TRIM44: variants seen among roughly 807,000 people sequenced by gnomAD.
The protein encoded by TRIM44 is tripartite motif containing 44.
TRIM44 carries 13 observed loss-of-function variants against 37.4 expected under a neutral mutation model. That is an observed-to-expected ratio of 0.35 (90% CI 0.23 to 0.55). The LOEUF (loss-of-function observed/expected upper bound fraction) is 0.55, where lower values mean the gene tolerates loss of function less well. Ranked by LOEUF, TRIM44 falls within the 20% of genes least tolerant of loss-of-function variation. The pLI is 0.89. For synonymous variants in TRIM44, 175 were observed against 157.2 expected, an observed-to-expected ratio of 1.11 and a Z score of -0.85; for missense variants, 426 against 437.2, an observed-to-expected ratio of 0.97 and a Z score of 0.23.
intron 4 of TRIM44, among the ~76,000 whole-genome samples, chr11:35,782,633 G>T (rs562952939): frequency 6.6e-6 from 1 of 152,078 alleles, no homozygotes; most frequent in Non-Finnish European, 1.5e-5. Flanking sequence ...TGAGGGAGGG[G>T]TCAGAAGAAG....
At position 35,814,179 on chromosome 11, in the gene TRIM44, C is replaced by G. The variant is rs528662922; in HGVS notation, c.*7794C>G. On this transcript the variant is annotated 3_prime_UTR_variant, in exon 5 of 5. Coordinates refer to ENST00000299413, the MANE Select transcript of TRIM44 (RefSeq NM_017583.6). ...GGACCTCAGCGCAAGTTGAGTGTTA[C>G]ACAATTTAACCTGTAATAACAGGTT... is the stretch of plus-strand genomic sequence containing the variant. 13 of 152,198 alleles carry G rather than the reference C, an allele frequency of 8.5e-5. No individual in the cohort carries two copies. The highest frequency in any genetic ancestry group is 2.9e-4 in the African/African-American group (12 of 41,454). 9.4% of individuals were successfully genotyped at this position (152,198 alleles called of 1,614,324 possible).
intron 4 of TRIM44, among the ~76,000 whole-genome samples, chr11:35,736,749 T>G (rs1280024424): frequency 6.6e-6 from 1 of 152,234 alleles, no homozygotes; most frequent in Non-Finnish European, 1.5e-5. Context: ...GGCATCTTGC[T>G]TTAAACCTAC....
rs532853748 is a variant in TRIM44, at chr11:35,742,149, C to G, written c.1007+6704C>G. Among the ~76,000 whole-genome samples, 20 of 151,740 alleles carry G rather than the reference C, an allele frequency of 1.3e-4. No individual in the cohort carries two copies. The South Asian group carries it at 3.1e-3, about 24-fold the overall frequency. On this transcript the variant is annotated intron_variant, in intron 4 of 4. Transcript: ENST00000299413. ...GTAGAGATGAAGTCTCACTTTGTTC[C>G]CCAAGCTGGTTTTGAACTACTGGGG...
chr11:35,694,457 A>G (rs1332985561), intron 2 of TRIM44, among the ~76,000 whole-genome samples: 1 of 152,070 alleles, frequency 6.6e-6, no homozygotes, highest in Non-Finnish European at 1.5e-5. Context: ...CTTTTACCTT[A>G]TAAAGTATAA....
intron 1 of TRIM44, among the ~76,000 whole-genome samples, chr11:35,682,383 TGGAATGTGG>T (rs1164457467): frequency 2.6e-5 from 4 of 152,090 alleles, no homozygotes; most frequent in African/African-American, 9.7e-5. Context: ...AGGAAGGGAC[TGGAATGTGG>T]GGAAAGTGGT....
intron 4 of TRIM44, among the ~76,000 whole-genome samples, chr11:35,757,758 C>G (rs1020789893): frequency 7.9e-5 from 12 of 152,018 alleles, no homozygotes; most frequent in African/African-American, 2.7e-4. Flanking sequence ...CGTTATGTAC[C>G]CAGTAGTCAT....
intron 2 of TRIM44, among the ~76,000 whole-genome samples, chr11:35,690,031 A>G (rs1851623108): frequency 1.3e-5 from 2 of 152,188 alleles, no homozygotes; most frequent in African/African-American, 2.4e-5. Context: ...TATTCTCAAA[A>G]AGAAGCATCT....
intron 2 of TRIM44, among the ~76,000 whole-genome samples, chr11:35,717,766 G>A (rs1852055926): frequency 6.6e-6 from 1 of 152,018 alleles, no homozygotes; most frequent in Admixed American, 6.6e-5. Context: ...GGCCCCAAAT[G>A]TCAGTCAGTC....
intron 2 of TRIM44, among the ~76,000 whole-genome samples, chr11:35,720,712 C>A (rs1056269458): frequency 6.6e-6 from 1 of 151,952 alleles, no homozygotes; most frequent in Non-Finnish European, 1.5e-5. Flanking sequence ...GAAGCTCCCC[C>A]CCACCCCATT....
chr11:35,670,345 G>A (rs2135483034), intron 1 of TRIM44, among the ~76,000 whole-genome samples: 1 of 152,276 alleles, frequency 6.6e-6, no homozygotes, highest in South Asian at 2.1e-4. Context: ...TTTTCCTCTT[G>A]ATGACTTCTG....
chr11:35,797,576 T>C (rs79491703), intron 4 of TRIM44, among the ~76,000 whole-genome samples: 1,629 of 152,228 alleles, frequency 0.011, 29 homozygotes, highest in African/African-American at 0.037. Flanking sequence ...TATCAACCCT[T>C]GATATGATGT....
chr11:35,745,241 G>A lies in TRIM44; in HGVS notation c.1007+9796G>A, dbSNP rs1051023069. Among the ~76,000 whole-genome samples the A allele has an allele frequency of 1.2e-4, 19 of 152,258 alleles. No homozygotes were observed. In the East Asian group the frequency reaches 1.7e-3, roughly 14 times the overall value. On this transcript the variant is annotated intron_variant, in intron 4 of 4. Coordinates refer to ENST00000299413, the MANE Select transcript of TRIM44 (RefSeq NM_017583.6). ...CTGTTATTCTGACTGGTGTGAGATG[G>A]TATCTCATTGTAATTTTGATTTGCA... is the stretch of plus-strand genomic sequence containing the variant.
At chr11:35,764,127 A>G (rs1413819501) in intron 4 of TRIM44, among the ~76,000 whole-genome samples, 1 of 152,104 alleles carries the variant, frequency 6.6e-6, no homozygotes, top group Non-Finnish European at 1.5e-5. Context: ...GCTCCTTCTC[A>G]TGGGAAGAGG....
At chr11:35,691,929 G>A (rs991097320) in intron 2 of TRIM44, among the ~76,000 whole-genome samples, 2 of 152,190 alleles carry the variant, frequency 1.3e-5, no homozygotes, top group East Asian at 1.9e-4. Flanking sequence ...ACAGGCGTGA[G>A]CCACCATGCC....
At chr11:35,804,158 T>A (rs1853415518) in intron 4 of TRIM44, among the ~76,000 whole-genome samples, 1 of 152,148 alleles carries the variant, frequency 6.6e-6, no homozygotes, top group Non-Finnish European at 1.5e-5. Flanking sequence ...AAGTAATCAA[T>A]AAATGATATG....
chr11:35,801,160 C>T (rs945206885), intron 4 of TRIM44, among the ~76,000 whole-genome samples: 12 of 152,314 alleles, frequency 7.9e-5, no homozygotes, highest in African/African-American at 2.2e-4. Context: ...CAGTGCTGAT[C>T]GCATATTTAC....
intron 4 of TRIM44, among the ~76,000 whole-genome samples, chr11:35,778,259 C>T (rs140258471): frequency 1.3e-5 from 2 of 152,132 alleles, no homozygotes; most frequent in South Asian, 4.1e-4. Context: ...AGCTACTGAA[C>T]CTGGTGCATT....
chr11:35,746,303 GC>G (rs1852489875), intron 4 of TRIM44, among the ~76,000 whole-genome samples: 1 of 152,156 alleles, frequency 6.6e-6, no homozygotes, highest in Non-Finnish European at 1.5e-5. Flanking sequence ...CCTGTGGACA[GC>G]CACAGCAAAA....
At chr11:35,775,094 T>C (rs999851955) in intron 4 of TRIM44, among the ~76,000 whole-genome samples, 1 of 152,212 alleles carries the variant, frequency 6.6e-6, no homozygotes, top group African/African-American at 2.4e-5. Flanking sequence ...ATTCTTCCTA[T>C]GCATGAGCAT....
Sources: allele counts gnomAD v4.1 joint callset (sites outside exome capture counted in the v4.1 genomes callset), GRCh38; gene constraint gnomAD v4.1.1; transcripts MANE v1.5; gene names NCBI Gene and HGNC (gene_info 2026-07-23, HGNC 2026-07-21).